The following ARHGAP6 variants were observed in gnomAD, a reference collection of about 807,000 sequenced individuals.
ARHGAP6 encodes rho GTPase-activating protein 6.
A neutral mutation model predicts 55.7 loss-of-function variants in ARHGAP6; 16 were observed. The ratio of observed to expected loss-of-function variants is 0.29; its 90% CI spans 0.19 to 0.44. ARHGAP6 has a LOEUF of 0.44. Ranked by LOEUF, ARHGAP6 falls within the 20% of genes least tolerant of loss-of-function variation. The pLI, the probability that ARHGAP6 is intolerant of heterozygous loss-of-function variation, is 1.00. For synonymous variants in ARHGAP6, 382 were observed against 360.9 expected, an observed-to-expected ratio of 1.06 and a Z score of -0.66; for missense variants, 698 against 808.9, an observed-to-expected ratio of 0.86 and a Z score of 1.66.
chrX:11,248,836 A>G (rs1371737245), intron 2 of ARHGAP6, among the ~76,000 whole-genome samples: 1 of 112,059 alleles, frequency 8.9e-6, no homozygotes, highest in Non-Finnish European at 1.9e-5. Context: ...AAACTAGTAC[A>G]GCTGCTATAG....
rs374182303 is a variant in ARHGAP6 at position 11,340,621 on chromosome X, C to T, written c.589-85914G>A. On this transcript the variant is annotated intron_variant, in intron 1 of 12. Coordinates refer to ENST00000337414, the MANE Select transcript of ARHGAP6 (RefSeq NM_013427.3). ...GCGGGCGCCTGTAGTCCCAGCTACTCGGGAGGCTGAGGCAGGAGAATGGCG... is the reference window on the plus strand; with the variant it reads ...GCGGGCGCCTGTAGTCCCAGCTACTTGGGAGGCTGAGGCAGGAGAATGGCG... Among the ~76,000 whole-genome samples, 430 of 106,029 alleles carry T rather than the reference C, an allele frequency of 4.1e-3. 3 individuals are homozygous for T. The highest frequency in any genetic ancestry group is 0.014 in the African/African-American group (380 of 27,664). The allele number at this position is 106,029 out of a possible 115,157, so 92.1% of individuals were successfully genotyped here.
At position 11,139,487 on chromosome X, in the gene ARHGAP6, C is replaced by T. The variant is rs2045590936; in HGVS notation, c.2301G>A (p.Gly767=). The T allele has an allele frequency of 3.5e-6, 4 of 1,157,929 alleles. No homozygotes were observed. The highest frequency in any genetic ancestry group is 4.6e-6 in the Non-Finnish European group (4 of 872,564). ...DIFESSSLRA[G]PCSLSQGNLS... Reference sequence around the variant, plus strand: ...GGTTCCCTTGAGAAAGGGAGCAGGGCCCCGCTCTTAGGGAGCTGCTTTCAA... The same window carrying T: ...GGTTCCCTTGAGAAAGGGAGCAGGGTCCCGCTCTTAGGGAGCTGCTTTCAA... The change falls in exon 13 of 13, where the codon GGG becomes GGA. Residue 767 remains glycine, a synonymous_variant. Coordinates refer to ENST00000337414, the MANE Select transcript of ARHGAP6 (RefSeq NM_013427.3).
At chrX:11,204,582 G>T (rs1338898310) in intron 2 of ARHGAP6, among the ~76,000 whole-genome samples, 2 of 111,577 alleles carry the variant, frequency 1.8e-5, no homozygotes, top group African/African-American at 6.5e-5. Flanking sequence ...ATCTGTTTGA[G>T]GTCTCTTTAC....
At position 11,374,419 on chromosome X, in the gene ARHGAP6, C is replaced by A. The variant is rs139798682; in HGVS notation, c.589-119712G>T. On this transcript the variant is annotated intron_variant, in intron 1 of 12. Transcript: ENST00000337414. ...AGGAAGACTATTCACTGGGACAGGG[C>A]AGATATTACATATTTCCAGCATCAC... 5.5e-3 allele frequency among the ~76,000 whole-genome samples: 614 copies of A among 111,977 alleles called. 3 individuals are homozygous for A. The highest frequency in any genetic ancestry group is 0.019 in the African/African-American group (585 of 30,853).
At chrX:11,557,474 T>C (rs1172524847) in intron 1 of ARHGAP6, among the ~76,000 whole-genome samples, 1 of 95,109 alleles carries the variant, frequency 1.1e-5, no homozygotes, top group East Asian at 2.9e-4. Flanking sequence ...TGTTGTGTTT[T>C]CTGAAAGGCA....
chrX:11,522,003 G>C (rs756518935), intron 1 of ARHGAP6, among the ~76,000 whole-genome samples: 1 of 111,233 alleles, frequency 9.0e-6, no homozygotes, highest in Non-Finnish European at 1.9e-5. Context: ...TTTGCACGTC[G>C]ATTTTGTATC....
In ARHGAP6 at chrX:11,664,899, C is replaced by T; in HGVS notation, c.-71G>A. ...ACGCTGGTGGCTTTGGGTCGGGAAC[C>T]GAAAGGGACTCAGGCAAAGGTGCCA... On this transcript the variant is annotated 5_prime_UTR_variant, in exon 1 of 13. Transcript: ENST00000337414. 2.0e-6 allele frequency: 2 copies of T among 1,017,905 alleles called. No individual in the cohort carries two copies. The highest frequency in any genetic ancestry group is 2.6e-6 in the Non-Finnish European group (2 of 761,375). 83.9% of individuals were successfully genotyped at this position (1,017,905 alleles called of 1,213,427 possible). A position where few individuals can be genotyped will look rare whatever the true frequency, so the allele number is the denominator to read the frequency against.
chrX:11,574,376 C>A (rs1425129004), intron 1 of ARHGAP6, among the ~76,000 whole-genome samples: 1 of 109,055 alleles, frequency 9.2e-6, no homozygotes, highest in Non-Finnish European at 1.9e-5. Flanking sequence ...GCTTATCCAC[C>A]ATGATCAAGT....
intron 9 of ARHGAP6, among the ~76,000 whole-genome samples, chrX:11,168,144 A>T (rs1025827839): frequency 6.2e-5 from 7 of 112,135 alleles, no homozygotes; most frequent in Non-Finnish European, 1.3e-4. Context: ...AACTCTAAAA[A>T]ATGTCAGAGC....
At chrX:11,352,150 C>T (rs1283049440) in intron 1 of ARHGAP6, among the ~76,000 whole-genome samples, 4 of 112,452 alleles carry the variant, frequency 3.6e-5, no homozygotes, top group Admixed American at 9.4e-5. Flanking sequence ...GTGGAACTTA[C>T]GTGTAGAAAG....
chrX:11,351,376 C>T (rs2048861773), intron 1 of ARHGAP6: 1 of 966,460 alleles, frequency 1.0e-6, no homozygotes, highest in African/African-American at 2.0e-5. Context: ...CCTAGAAACA[C>T]CCAACTTACA....
chrX:11,541,682 C>T (rs1023480437), intron 1 of ARHGAP6, among the ~76,000 whole-genome samples: 1 of 112,085 alleles, frequency 8.9e-6, no homozygotes, highest in Non-Finnish European at 1.9e-5. Context: ...GTCTTTGTTG[C>T]CCAAGACTGA....
At chrX:11,440,352 C>T (rs1286858155) in intron 1 of ARHGAP6, among the ~76,000 whole-genome samples, 1 of 112,488 alleles carries the variant, frequency 8.9e-6, no homozygotes, top group Non-Finnish European at 1.9e-5. Context: ...ATAGCATCCT[C>T]TCCACACTTT....
chrX:11,496,360 T>C (rs1458417973), intron 1 of ARHGAP6, among the ~76,000 whole-genome samples: 9 of 112,352 alleles, frequency 8.0e-5, no homozygotes, highest in Non-Finnish European at 1.9e-5. Flanking sequence ...CTTTTTGTGC[T>C]TGTAATATTT....
chrX:11,504,409 G>A (rs1389800618), intron 1 of ARHGAP6, among the ~76,000 whole-genome samples: 3 of 111,017 alleles, frequency 2.7e-5, no homozygotes, highest in Non-Finnish European at 5.7e-5. Flanking sequence ...TGCCAGCAGT[G>A]TCACCAACAC....
At chrX:11,175,974 T>C (rs1347425669) in intron 8 of ARHGAP6, among the ~76,000 whole-genome samples, 5 of 107,129 alleles carry the variant, frequency 4.7e-5, no homozygotes, top group African/African-American at 1.4e-4. Context: ...TTAACCAGTA[T>C]AACGACATTG....
Position 11,254,716 on chromosome X carries a change from CAAA to C in ARHGAP6, c.589-12_589-10del, listed in dbSNP as rs751080433. ...TTCCAGGTGAAATCACCCTGTAGGC[CAAA>C]AAAAAAAAAAAAAAAAAAATCAAGA... On this transcript the variant is annotated splice_polypyrimidine_tract_variant and intron_variant, in intron 1 of 12. Transcript: ENST00000337414. The C allele has an allele frequency of 0.01, 8,337 of 809,472 alleles. No homozygotes were observed. The highest frequency in any genetic ancestry group is 0.021 in the Admixed American group (273 of 12,825). The allele number at this position is 809,472 out of a possible 1,213,427, so 66.7% of individuals were successfully genotyped here. A position where few individuals can be genotyped will look rare whatever the true frequency, so the allele number is the denominator to read the frequency against.
intron 1 of ARHGAP6, among the ~76,000 whole-genome samples, chrX:11,511,349 C>T (rs1348084548): frequency 8.9e-6 from 1 of 112,045 alleles, no homozygotes; most frequent in Non-Finnish European, 1.9e-5. Flanking sequence ...GCACTTGCCT[C>T]CTTACCTTGC....
intron 1 of ARHGAP6, among the ~76,000 whole-genome samples, chrX:11,362,447 C>A (rs2049024587): frequency 1.8e-5 from 2 of 109,708 alleles, no homozygotes; most frequent in Non-Finnish European, 3.8e-5. Context: ...TAGATGGGAA[C>A]TGAACAACGA....
Sources: gnomAD v4.1 joint callset for allele counts (sites outside exome capture counted in the v4.1 genomes callset) on GRCh38, gnomAD v4.1.1 for gene constraint, MANE v1.5 for transcripts, NCBI Gene and HGNC (gene_info 2026-07-23, HGNC 2026-07-21) for gene names.